ZNF800: variants seen among roughly 807,000 people sequenced by gnomAD.
ZNF800 encodes the protein zinc finger protein 800.
Under a neutral mutation model 59.5 loss-of-function variants are expected in ZNF800, and 13 were observed. The ratio of observed to expected loss-of-function variants is 0.22; its 90% CI spans 0.14 to 0.35. The LOEUF (loss-of-function observed/expected upper bound fraction) is 0.35. Among genes scored for constraint, ZNF800 ranks in the 10% least tolerant of loss-of-function variants. The probability of loss-of-function intolerance (pLI) is 1.00; values close to 1 mark genes in which losing one functional copy is unlikely to be tolerated. For synonymous variants in ZNF800, 266 were observed against 265.7 expected (o/e 1.00, Z -0.01); for missense variants, 621 against 783.7 (o/e 0.79, Z 2.48).
rs921511894 is a variant in ZNF800, at chr7:127,392,237, A to C, written c.-236T>G. The C allele has an allele frequency of 1.3e-5, 5 of 392,750 alleles. No individual in the cohort carries two copies. The highest frequency in any genetic ancestry group is 2.1e-5 in the African/African-American group (1 of 48,246). 24.3% of individuals were successfully genotyped at this position (392,750 alleles called of 1,614,324 possible). ...TCCCAAAGAGTCCCCGCCGGCGCTG[A>C]CGCGGAAGCGCCACAGCTCACCACG... On this transcript the variant is annotated 5_prime_UTR_variant, in exon 1 of 6. Transcript: ENST00000265827.
rs1801369034 is a variant in ZNF800 at position 127,392,477 on chromosome 7, G to A, written c.-476C>T. The A allele has an allele frequency of 2.8e-6, 1 of 362,750 alleles. No homozygotes were observed. The highest frequency in any genetic ancestry group is 4.9e-6 in the Non-Finnish European group (1 of 203,210). The allele number at this position is 362,750 out of a possible 1,614,324, so 22.5% of individuals were successfully genotyped here. Reference sequence around the variant, plus strand: ...TGCCGCCGCAACCCGGGTCCCACCAGCGCCGCTCCACCTGCAACGGTCCCT... The same window carrying A: ...TGCCGCCGCAACCCGGGTCCCACCAACGCCGCTCCACCTGCAACGGTCCCT... On this transcript the variant is annotated 5_prime_UTR_variant, in exon 1 of 6. Transcript: ENST00000265827.
At chr7:127,356,410 A>G (rs577086741) in intron 1 of ZNF800, among the ~76,000 whole-genome samples, 2 of 152,194 alleles carry the variant, frequency 1.3e-5, no homozygotes, top group East Asian at 3.9e-4. Context: ...AAGGCTATAA[A>G]GCAAATGAAG....
intron 1 of ZNF800, chr7:127,364,352 A>G (rs1292700463): frequency 1.3e-5 from 2 of 152,152 alleles, no homozygotes; most frequent in Non-Finnish European, 2.9e-5. Context: ...CATTCAAAAA[A>G]TATTTACTGA....
chr7:127,383,700 T>C (rs749056081), intron 3 of ZNF800, among the ~76,000 whole-genome samples: 3 of 152,202 alleles, frequency 2.0e-5, no homozygotes, highest in Non-Finnish European at 1.5e-5. Flanking sequence ...TGCAAGAGAT[T>C]ACTATCTTGA....
At chr7:127,353,284 A>G (rs141389470) in intron 1 of ZNF800, among the ~76,000 whole-genome samples, 1 of 152,264 alleles carries the variant, frequency 6.6e-6, no homozygotes, top group East Asian at 1.9e-4. Flanking sequence ...AGAAACTTAT[A>G]AATATGGCAG....
downstream of ZNF800, among the ~76,000 whole-genome samples, chr7:127,366,368 A>T (rs1011319722): frequency 7.9e-5 from 12 of 152,290 alleles, no homozygotes; most frequent in Non-Finnish European, 1.3e-4. Context: ...CAAACTATGC[A>T]GCATAATTGT....
intron 1 of ZNF800, among the ~76,000 whole-genome samples, chr7:127,348,431 C>CAAAA (rs72267169): frequency 9.9e-5 from 13 of 131,024 alleles, no homozygotes; most frequent in African/African-American, 3.1e-4. Flanking sequence ...AAAAAAATGG[C>CAAAA]AAAAAAAAAA....
rs959112549 is a variant in ZNF800 at position 127,370,586 on chromosome 7, A to G, written c.*1228T>C. 8 of 152,602 alleles carry G rather than the reference A, an allele frequency of 5.2e-5. No homozygotes were observed. The highest frequency in any genetic ancestry group is 3.3e-4 in the Admixed American group (5 of 15,276). The allele number at this position is 152,602 out of a possible 1,614,324, so 9.5% of individuals were successfully genotyped here. A position where few individuals can be genotyped will look rare whatever the true frequency, so the allele number is the denominator to read the frequency against. Reference sequence around the variant, plus strand: ...TTTTAAAATTTTATACAAAAAGTATATAGATGGACAGGGTCCCTCCTAAGT... The same window carrying G: ...TTTTAAAATTTTATACAAAAAGTATGTAGATGGACAGGGTCCCTCCTAAGT... On this transcript the variant is annotated 3_prime_UTR_variant, in exon 6 of 6. Transcript: ENST00000265827.
At chr7:127,385,013 A>G (rs947999025) in intron 3 of ZNF800, among the ~76,000 whole-genome samples, 1 of 152,188 alleles carries the variant, frequency 6.6e-6, no homozygotes, top group East Asian at 1.9e-4. Flanking sequence ...TAAGAAATGG[A>G]TCTTTTGGAG....
chr7:127,389,569 A>AAT (rs1360681600), intron 2 of ZNF800, among the ~76,000 whole-genome samples: 2 of 152,192 alleles, frequency 1.3e-5, no homozygotes, highest in Non-Finnish European at 2.9e-5. Context: ...CAGTCCTGGA[A>AAT]ATATCCTACC....
intron 1 of ZNF800, among the ~76,000 whole-genome samples, chr7:127,354,606 T>G (rs1351763648): frequency 6.6e-6 from 1 of 152,104 alleles, no homozygotes; most frequent in East Asian, 1.9e-4. Flanking sequence ...GGTAACTTCT[T>G]GCCTCTGGGG....
At chr7:127,366,903 T>A (rs1800518198), downstream of ZNF800, among the ~76,000 whole-genome samples, 1 of 152,078 alleles carries the variant, frequency 6.6e-6, no homozygotes, top group Non-Finnish European at 1.5e-5. Context: ...ACTGGACTAA[T>A]TAGATTTCCT....
Position 127,391,561 on chromosome 7 carries a change from C to T in ZNF800, c.-4G>A, listed in dbSNP as rs764779720. On this transcript the variant is annotated 5_prime_UTR_variant, in exon 2 of 6. Transcript: ENST00000265827. ...AGTATTTGTCCCTTAAAGGCATTTTCAGTGGACTCGACCTACTTTGCTTTC... is the reference window on the plus strand; with the variant it reads ...AGTATTTGTCCCTTAAAGGCATTTTTAGTGGACTCGACCTACTTTGCTTTC... 5 of 1,613,978 alleles carry T rather than the reference C, an allele frequency of 3.1e-6. No individual in the cohort carries two copies. In the Admixed American group the frequency reaches 5.0e-5, roughly 16 times the overall value.
rs544675289 is a variant in ZNF800 at position 127,378,961 on chromosome 7, T to C, written c.158-1632A>G. 7.9e-5 allele frequency among the ~76,000 whole-genome samples: 12 copies of C among 152,220 alleles called. No individual in the cohort carries two copies. The East Asian group carries it at 1.9e-3, about 24-fold the overall frequency. On this transcript the variant is annotated intron_variant, in intron 3 of 5. Coordinates refer to ENST00000265827, the MANE Select transcript of ZNF800 (RefSeq NM_176814.5). ...AGTTGAAGAATTATTAAAGAAAATA[T>C]GAACCTAAATCCCAGGGAAATTATA... is the stretch of plus-strand genomic sequence containing the variant.
intron 5 of ZNF800, 111 bp from the exon 6 acceptor site, chr7:127,371,925 CCA>C: frequency 1.7e-6 from 1 of 598,708 alleles, no homozygotes; most frequent in Admixed American, 3.1e-5. Flanking sequence ...CTCAAGTTTT[CCA>C]CACAAATAAA....
At chr7:127,390,387 CCT>C (rs1801272297) in intron 2 of ZNF800, among the ~76,000 whole-genome samples, 1 of 152,220 alleles carries the variant, frequency 6.6e-6, no homozygotes, top group East Asian at 1.9e-4. Flanking sequence ...CCAAGGATTG[CCT>C]GTTTTATTAG....
At position 127,370,332 on chromosome 7, in the gene ZNF800, C is replaced by T. The variant is rs1800602474; in HGVS notation, c.*1482G>A. On this transcript the variant is annotated 3_prime_UTR_variant, in exon 6 of 6. Coordinates refer to ENST00000265827, the MANE Select transcript of ZNF800 (RefSeq NM_176814.5). ...TAAAACATTTAAGTTTCAACCAATG[C>T]ACCTTTGCTGAAGCACATTTAGCTG... 1 of 152,508 alleles carries T rather than the reference C, an allele frequency of 6.6e-6. No individual in the cohort carries two copies. The highest frequency in any genetic ancestry group is 1.5e-5 in the Non-Finnish European group (1 of 67,962). 9.4% of individuals were successfully genotyped at this position (152,508 alleles called of 1,614,324 possible). A position where few individuals can be genotyped will look rare whatever the true frequency, so the allele number is the denominator to read the frequency against.
At chr7:127,379,973 C>A (rs574943605) in intron 3 of ZNF800, among the ~76,000 whole-genome samples, 170 of 151,114 alleles carry the variant, frequency 1.1e-3, no homozygotes, top group Non-Finnish European at 2.0e-3. Context: ...CAAATGTATT[C>A]TTTCCCTCAC....
downstream of ZNF800, among the ~76,000 whole-genome samples, chr7:127,366,990 A>C (rs559711946): frequency 6.6e-6 from 1 of 152,328 alleles, no homozygotes; most frequent in East Asian, 1.9e-4. Context: ...GGAACGAGGC[A>C]GTTAAGACCA....
Sources: allele counts gnomAD v4.1 joint callset (sites outside exome capture counted in the v4.1 genomes callset), GRCh38; gene constraint gnomAD v4.1.1; transcripts MANE v1.5; gene names NCBI Gene and HGNC (gene_info 2026-07-23, HGNC 2026-07-21).